The following LRRK2 variants were observed in gnomAD, a reference collection of about 807,000 sequenced individuals.
LRRK2 encodes leucine-rich repeat serine/threonine-protein kinase 2.
Under a neutral mutation model 302.6 loss-of-function variants are expected in LRRK2, and 203 were observed. That is an observed-to-expected ratio of 0.67 (90% CI 0.60 to 0.75). The LOEUF (loss-of-function observed/expected upper bound fraction) is 0.75, where lower values mean the gene tolerates loss of function less well. Among genes scored for constraint, LRRK2 ranks in the 30% least tolerant of loss-of-function variants. The pLI, the probability that LRRK2 is intolerant of heterozygous loss-of-function variation, is 0.00. For synonymous variants in LRRK2, 1,066 were observed against 1,031.9 expected, an observed-to-expected ratio of 1.03 and a Z score of -0.63; for missense variants, 2,830 against 2,951.0, an observed-to-expected ratio of 0.96 and a Z score of 0.95.
intron 14 of LRRK2, among the ~76,000 whole-genome samples, chr12:40,264,962 A>G (rs1190170006): frequency 6.6e-6 from 1 of 152,228 alleles, no homozygotes; most frequent in Non-Finnish European, 1.5e-5. Context: ...TAAAAGGAGG[A>G]GCCTATTTAA....
At chr12:40,239,525 T>C (rs576211035) in intron 5 of LRRK2, among the ~76,000 whole-genome samples, 9 of 152,090 alleles carry the variant, frequency 5.9e-5, no homozygotes, top group Non-Finnish European at 8.8e-5. Context: ...AGGTAGACCA[T>C]AGAATGTTAC....
rs1344530956 is a variant in LRRK2, at chr12:40,263,848, A to C, written c.1603A>C (p.Lys535Gln). 2 of 1,613,256 alleles carry C rather than the reference A, an allele frequency of 1.2e-6. No individual in the cohort carries two copies. The highest frequency in any genetic ancestry group is 2.2e-5 in the South Asian group (2 of 90,962). The change falls in exon 14 of 51, where the codon AAA (lysine) becomes CAA (glutamine). Residue 535 changes from lysine to glutamine, a missense_variant. This residue lies in a region of LRRK2 where 2,121 missense variants were observed against 2,148.0 expected (regional missense o/e 0.99). Transcript: ENST00000298910. ...TCATCATAAGCTAAATATGGTTAAAAAACAGTGTTTCAAGAATGATATTCA... is the reference window on the plus strand; with the variant it reads ...TCATCATAAGCTAAATATGGTTAAACAACAGTGTTTCAAGAATGATATTCA... ...EFHHKLNMVK[K>Q]QCFKNDIHKL...
intron 26 of LRRK2, 107 bp downstream of exon 26, chr12:40,302,989 T>C: frequency 1.3e-6 from 1 of 774,768 alleles, no homozygotes; most frequent in Non-Finnish European, 2.2e-6. Flanking sequence ...CTAAACCTAC[T>C]CAACTTGATG....
At chr12:40,250,541 G>T (rs1005345673) in intron 8 of LRRK2, among the ~76,000 whole-genome samples, 2 of 152,196 alleles carry the variant, frequency 1.3e-5, no homozygotes, top group East Asian at 3.8e-4. Context: ...CGTGCAGGAT[G>T]TGCAGGTTTT....
chr12:40,253,502 C>G (rs1185997276), intron 11 of LRRK2, among the ~76,000 whole-genome samples: 2 of 152,152 alleles, frequency 1.3e-5, no homozygotes, highest in Non-Finnish European at 2.9e-5. Flanking sequence ...GCTCCCACCT[C>G]AGCTTCCTGA....
rs1946964680 is a variant in LRRK2 at position 40,369,196 on chromosome 12, T to C, written c.*1431T>C. 1 of 151,836 alleles carries C rather than the reference T, an allele frequency of 6.6e-6. No homozygotes were observed. Among genetic ancestry groups the C allele is most frequent in the South Asian group, 2.1e-4 (1 of 4,824 alleles). The allele number at this position is 151,836 out of a possible 1,614,324, so 9.4% of individuals were successfully genotyped here. A position where few individuals can be genotyped will look rare whatever the true frequency, so the allele number is the denominator to read the frequency against. On this transcript the variant is annotated 3_prime_UTR_variant, in exon 51 of 51. Coordinates refer to ENST00000298910, the MANE Select transcript of LRRK2 (RefSeq NM_198578.4). ...CAGTGTTATCTCTTTCATTGTTACT[T>C]TGTATTTGCAATTTTTTTTACCAAA...
chr12:40,331,917 T>G (rs555420092), intron 39 of LRRK2, among the ~76,000 whole-genome samples: 14 of 152,230 alleles, frequency 9.2e-5, no homozygotes, highest in Non-Finnish European at 1.8e-4. Flanking sequence ...TCAGAATGGC[T>G]TTTCCCATTG....
At chr12:40,243,812 G>T in intron 7 of LRRK2, 131 bp downstream of exon 7, 1 of 918,524 alleles carries the variant, frequency 1.1e-6, no homozygotes, top group Non-Finnish European at 1.6e-6. Context: ...TAAAATCCCA[G>T]AAAAAATAAA....
At chr12:40,352,330 A>G (rs1225441898) in intron 44 of LRRK2, among the ~76,000 whole-genome samples, 1 of 152,180 alleles carries the variant, frequency 6.6e-6, no homozygotes, top group East Asian at 1.9e-4. Context: ...GGAGATCTGG[A>G]CATGGCTCCT....
chr12:40,307,332 A>C (rs1391640781), intron 28 of LRRK2, among the ~76,000 whole-genome samples: 3 of 151,986 alleles, frequency 2.0e-5, no homozygotes, highest in Non-Finnish European at 4.4e-5. Context: ...CTTTTTCTCT[A>C]ATTTGAAACT....
intron 7 of LRRK2, among the ~76,000 whole-genome samples, chr12:40,245,932 A>G (rs1240338979): frequency 6.6e-6 from 1 of 151,860 alleles, no homozygotes; most frequent in African/African-American, 2.4e-5. Context: ...TGCTTCTTAT[A>G]TTCTTTATTT....
rs752632037 is a variant in LRRK2 at position 40,315,172 on chromosome 12, T to C, written c.4739-40T>C. The C allele has an allele frequency of 3.3e-6, 5 of 1,508,038 alleles. No homozygotes were observed. The East Asian group carries it at 1.1e-4, about 34-fold the overall frequency. 93.4% of individuals were successfully genotyped at this position (1,508,038 alleles called of 1,614,324 possible). A position where few individuals can be genotyped will look rare whatever the true frequency, so the allele number is the denominator to read the frequency against. On this transcript the variant is annotated intron_variant, in intron 32 of 50. Coordinates refer to ENST00000298910, the MANE Select transcript of LRRK2 (RefSeq NM_198578.4). ...TTCTAAAGCCCCTTGATATTTGTTC[T>C]AGATTCCATGTTTCACTGTTTGATG...
intron 14 of LRRK2, among the ~76,000 whole-genome samples, chr12:40,268,763 T>C (rs1179350868): frequency 6.6e-6 from 1 of 152,096 alleles, no homozygotes; most frequent in Non-Finnish European, 1.5e-5. Context: ...ATTTTAGTAA[T>C]TATAATGGTG....
chr12:40,271,894 G>A lies in LRRK2; in HGVS notation c.1657-2689G>A, dbSNP rs11564151. Among the ~76,000 whole-genome samples the A allele has an allele frequency of 8.5e-5, 13 of 152,202 alleles. No homozygotes were observed. The South Asian group carries it at 2.7e-3, about 32-fold the overall frequency. ...TCATTAACCTGTACTGAAATGGTTA[G>A]AGCCTAGGGGAGTTCCAGGTAAAAG... On this transcript the variant is annotated intron_variant, in intron 14 of 50. Transcript: ENST00000298910.
At chr12:40,332,233 C>A (rs559784990) in intron 39 of LRRK2, among the ~76,000 whole-genome samples, 176 of 152,268 alleles carry the variant, frequency 1.2e-3, no homozygotes, top group Non-Finnish European at 2.0e-3. Flanking sequence ...TCACTTCCCC[C>A]TGAACTAAAG....
intron 5 of LRRK2, among the ~76,000 whole-genome samples, 190 bp from the exon 6 acceptor site, chr12:40,240,293 T>C (rs534900104): frequency 7.2e-5 from 11 of 152,288 alleles, no homozygotes; most frequent in South Asian, 6.2e-4. Flanking sequence ...ACAAAATTAT[T>C]TGAATCTCCG....
rs1440395146 is a variant in LRRK2, at chr12:40,323,213, A to G, written c.5563A>G (p.Ile1855Val). ...QPRLTIPISQ[I>V]APDLILADLP... ...AAGGCTCACCATTCCAATATCTCAG[A>G]TTGCCCCTGACTTGATTTTGGCTGA... is the stretch of plus-strand genomic sequence containing the variant. The change falls in exon 38 of 51, where the codon ATT (isoleucine) becomes GTT (valine). Residue 1855 changes from isoleucine to valine, a missense_variant. Around this residue, in one of 3 missense-constraint regions of LRRK2, gnomAD observed 253 missense variants for 346.7 expected, o/e 0.73. Coordinates refer to ENST00000298910, the MANE Select transcript of LRRK2 (RefSeq NM_198578.4). The G allele has an allele frequency of 1.9e-6, 3 of 1,613,190 alleles. No individual in the cohort carries two copies. The highest frequency in any genetic ancestry group is 1.1e-5 in the South Asian group (1 of 91,046).
chr12:40,297,477 A>G (rs1203691177), intron 23 of LRRK2, among the ~76,000 whole-genome samples: 1 of 152,188 alleles, frequency 6.6e-6, no homozygotes, highest in Non-Finnish European at 1.5e-5. Flanking sequence ...ACTTCAGAAT[A>G]AGTTAATGAG....
chr12:40,247,395 G>GTA (rs947893231), intron 7 of LRRK2, among the ~76,000 whole-genome samples: 1 of 148,098 alleles, frequency 6.8e-6, no homozygotes, highest in Non-Finnish European at 1.5e-5. Context: ...CTTCCAAAGT[G>GTA]TATATATATA....
Sources: gnomAD v4.1 joint callset for allele counts (sites outside exome capture counted in the v4.1 genomes callset) on GRCh38, gnomAD v4.1.1 for gene constraint, gnomAD v4.1.1 regional missense constraint, MANE v1.5 for transcripts, NCBI Gene and HGNC (gene_info 2026-07-23, HGNC 2026-07-21) for gene names.